The following ELAVL4 variants were observed in gnomAD, a reference collection of about 807,000 sequenced individuals.
ELAVL4 encodes ELAV-like protein 4.
In ELAVL4, 1 loss-of-function variant was observed where a neutral mutation model predicts 35.6. The observed-to-expected ratio is 0.03, with a 90% CI of 0.01 to 0.13. The LOEUF is 0.13. Among genes scored for constraint, ELAVL4 ranks in the 10% least tolerant of loss-of-function variants. The pLI is 1.00. For missense variants in ELAVL4, 267 were observed against 464.9 expected, an observed-to-expected ratio of 0.57 and a Z score of 3.91; for synonymous variants, 156 against 171.0, an observed-to-expected ratio of 0.91 and a Z score of 0.69.
At chr1:50,154,383 C>T (rs1209089290) in intron 2 of ELAVL4, among the ~76,000 whole-genome samples, 1 of 128,608 alleles carries the variant, frequency 7.8e-6, no homozygotes, top group Non-Finnish European at 1.6e-5. Context: ...TTGCTTTCCA[C>T]CTACTTAGTT....
intron 2 of ELAVL4, among the ~76,000 whole-genome samples, chr1:50,155,130 G>A (rs953921553): frequency 6.7e-5 from 10 of 150,028 alleles, no homozygotes; most frequent in South Asian, 2.1e-4. Context: ...CCATTAACTC[G>A]TCATTTAGCA....
chr1:50,128,636 C>T (rs1158447472), intron 1 of ELAVL4, among the ~76,000 whole-genome samples: 1 of 151,996 alleles, frequency 6.6e-6, no homozygotes, highest in African/African-American at 2.4e-5. Flanking sequence ...AGGTAAGAGC[C>T]ATGATGGGGG....
chr1:50,127,450 T>C (rs1350419037), intron 1 of ELAVL4, among the ~76,000 whole-genome samples: 1 of 152,004 alleles, frequency 6.6e-6, no homozygotes, highest in African/African-American at 2.4e-5. Flanking sequence ...GTAATTTAGA[T>C]GGTGATGGCG....
At chr1:50,054,936 G>A (rs1343511676) in intron 1 of ELAVL4, among the ~76,000 whole-genome samples, 1 of 152,216 alleles carries the variant, frequency 6.6e-6, no homozygotes, top group Admixed American at 6.5e-5. Context: ...CTCCCTTCCA[G>A]GTTACTGGCT....
intron 1 of ELAVL4, among the ~76,000 whole-genome samples, chr1:50,124,883 T>C (rs1318997421): frequency 6.6e-6 from 1 of 152,128 alleles, no homozygotes; most frequent in Non-Finnish European, 1.5e-5. Flanking sequence ...TTTAAAACAG[T>C]TACTTGGCAT....
chr1:50,063,273 A>C (rs1042631920), intron 1 of ELAVL4, among the ~76,000 whole-genome samples: 1 of 152,082 alleles, frequency 6.6e-6, no homozygotes, highest in Non-Finnish European at 1.5e-5. Context: ...ATACATGGTG[A>C]ATATTATTTT....
chr1:50,118,944 A>AAGAG lies in ELAVL4; in HGVS notation c.9+9763_9+9766dup, dbSNP rs57074113. Among the ~76,000 whole-genome samples the AAGAG allele has an allele frequency of 4.7e-4, 54 of 113,864 alleles. 4 individuals carry two copies. The highest frequency in any genetic ancestry group is 1.2e-3 in the African/African-American group (32 of 27,142). 74.7% of individuals were successfully genotyped at this position (113,864 alleles called of 152,430 possible). On this transcript the variant is annotated intron_variant, in intron 1 of 6. Transcript: ENST00000371824. The stretch of plus-strand genomic sequence containing the variant: ...TTGCAGGTCCTATGCTAAAAAAAGA[A>AAGAG]AGAGAGAGAGAGAGAGAGAGGGAGG...
At chr1:50,190,409 A>G (rs913390138) in intron 3 of ELAVL4, among the ~76,000 whole-genome samples, 3 of 152,234 alleles carry the variant, frequency 2.0e-5, no homozygotes, top group African/African-American at 7.2e-5. Flanking sequence ...AGGTACTAGG[A>G]TGAACATTTG....
chr1:50,165,616 A>G (rs987532044), intron 2 of ELAVL4, among the ~76,000 whole-genome samples: 1 of 148,244 alleles, frequency 6.7e-6, no homozygotes, highest in African/African-American at 2.5e-5. Flanking sequence ...ATACGTATAC[A>G]TATATATGCA....
At chr1:50,084,287 G>A (rs1388069678) in intron 1 of ELAVL4, among the ~76,000 whole-genome samples, 9 of 152,074 alleles carry the variant, frequency 5.9e-5, no homozygotes, top group Non-Finnish European at 1.5e-5. Flanking sequence ...TTGTAGGGTA[G>A]GTGACATAAT....
At chr1:50,155,569 A>G (rs541317665) in intron 2 of ELAVL4, among the ~76,000 whole-genome samples, 3 of 152,278 alleles carry the variant, frequency 2.0e-5, no homozygotes, top group South Asian at 4.2e-4. Context: ...AATATAAGGT[A>G]TAAACAATGT....
chr1:50,195,465 A>T, intron 4 of ELAVL4, 96 bp from the exon 5 acceptor site: 1 of 1,374,194 alleles, frequency 7.3e-7, no homozygotes, highest in South Asian at 1.2e-5. Context: ...AGGTGGGCTT[A>T]CTCCTCACAC....
At chr1:50,104,130 T>A, upstream of ELAVL4, 4 of 950,130 alleles carry the variant, frequency 4.2e-6, no homozygotes, top group Non-Finnish European at 6.7e-6. Flanking sequence ...TTATTTTCCT[T>A]TGTGCAGCTT....
chr1:50,174,111 T>C (rs1396072304), intron 2 of ELAVL4, among the ~76,000 whole-genome samples: 1 of 152,256 alleles, frequency 6.6e-6, no homozygotes, highest in Non-Finnish European at 1.5e-5. Flanking sequence ...TCTCCCTTAC[T>C]ACTGAAATAG....
chr1:50,079,994 G>A (rs185314217), intron 1 of ELAVL4, among the ~76,000 whole-genome samples: 77 of 152,070 alleles, frequency 5.1e-4, no homozygotes, highest in Non-Finnish European at 3.2e-4. Flanking sequence ...AAACCTCTAG[G>A]GTTGGTTTGA....
At position 50,065,258 on chromosome 1, in the gene ELAVL4, G is replaced by C. The variant is rs534883034; in HGVS notation, c.18+17076G>C. On this transcript the variant is annotated intron_variant, in intron 1 of 6. Coordinates refer to the ELAVL4 transcript ENST00000448907. ...GTTTTTGCTGTTATTTATAGAAATGGCCTTTTGAGTTAGAACAATCAGAAG... is the reference window on the plus strand; with the variant it reads ...GTTTTTGCTGTTATTTATAGAAATGCCCTTTTGAGTTAGAACAATCAGAAG... 2.6e-5 allele frequency among the ~76,000 whole-genome samples: 4 copies of C among 152,232 alleles called. No individual in the cohort carries two copies. The South Asian group carries it at 8.3e-4, about 32-fold the overall frequency.
At chr1:50,090,367 A>G (rs1198984010) in intron 1 of ELAVL4, among the ~76,000 whole-genome samples, 2 of 152,288 alleles carry the variant, frequency 1.3e-5, no homozygotes, top group African/African-American at 4.8e-5. Flanking sequence ...AGAAAGAGCT[A>G]TTCTAAAATA....
In ELAVL4 at chr1:50,202,703, G is replaced by T. The variant is rs997650090; in HGVS notation, c.*1525G>T. On this transcript the variant is annotated 3_prime_UTR_variant, in exon 7 of 7. Coordinates refer to ENST00000371824, the MANE Select transcript of ELAVL4 (RefSeq NM_001144774.3). The stretch of plus-strand genomic sequence containing the variant: ...TATATATAAAGTTATTTTTTCTTTG[G>T]GTTAATTTATTATAAGTTGTAACAC... 1 of 151,624 alleles carries T rather than the reference G, an allele frequency of 6.6e-6. No individual in the cohort carries two copies. The highest frequency in any genetic ancestry group is 6.6e-5 in the Admixed American group (1 of 15,220). 9.4% of individuals were successfully genotyped at this position (151,624 alleles called of 1,614,324 possible).
intron 1 of ELAVL4, among the ~76,000 whole-genome samples, chr1:50,127,683 T>C (rs535851849): frequency 1.4e-4 from 21 of 152,260 alleles, no homozygotes; most frequent in African/African-American, 5.1e-4. Flanking sequence ...CACATTTCTG[T>C]GAAGCCTATA....
Sources: gnomAD v4.1 joint callset for allele counts (sites outside exome capture counted in the v4.1 genomes callset) on GRCh38, gnomAD v4.1.1 for gene constraint, MANE v1.5 for transcripts, NCBI Gene and HGNC (gene_info 2026-07-23, HGNC 2026-07-21) for gene names.